DHX37: variants seen among roughly 807,000 people sequenced by gnomAD.
The protein encoded by DHX37 is DEAH-box helicase 37, also known as probable ATP-dependent RNA helicase DHX37.
In DHX37, 52 loss-of-function variants were observed where a neutral mutation model predicts 134.3. That is an observed-to-expected ratio of 0.39 (90% CI 0.31 to 0.49). The LOEUF (loss-of-function observed/expected upper bound fraction) is 0.49, where lower values mean the gene tolerates loss of function less well. DHX37 is among the 20% of genes least tolerant of loss of function. The pLI is 0.93. For missense variants in DHX37, 1,344 were observed against 1,580.8 expected, an observed-to-expected ratio of 0.85 and a Z score of 2.54; for synonymous variants, 634 against 670.7, an observed-to-expected ratio of 0.95 and a Z score of 0.85.
chr12:124,950,442 C>T lies in DHX37; in HGVS notation c.3092G>A (p.Arg1031Gln), dbSNP rs146274723. The stretch of plus-strand genomic sequence containing the variant: ...CACGCTGGCCCGGTGACACAGCACC[C>T]GCCCCCGCTCGGGGCAGTATGTAGG... ...PAPTYCPERGRVLCHRASVFY... is the reference protein window; with the variant it reads ...PAPTYCPERGQVLCHRASVFY... The change falls in exon 23 of 27, where the codon CGG becomes CAG. Residue 1031 changes from arginine to glutamine, a missense_variant. Transcript: ENST00000308736. 2.6e-3 allele frequency: 4,202 copies of T among 1,592,318 alleles called. 14 individuals are homozygous for T. The highest frequency in any genetic ancestry group is 3.1e-3 in the Non-Finnish European group (3,600 of 1,168,786).
intron 16 of DHX37, 72 bp from the exon 17 acceptor site, chr12:124,957,207 T>C: frequency 7.5e-7 from 1 of 1,342,038 alleles, no homozygotes; most frequent in Non-Finnish European, 9.9e-7. Context: ...GCTCCGTCTG[T>C]GGCAGGCACT....
intron 16 of DHX37, among the ~76,000 whole-genome samples, chr12:124,957,829 A>C (rs1418095946): frequency 6.6e-6 from 1 of 152,186 alleles, no homozygotes; most frequent in Non-Finnish European, 1.5e-5. Flanking sequence ...ACAATAGCCA[A>C]AAGATGGAAG....
At chr12:124,977,143 G>A (rs906167424) in intron 5 of DHX37, among the ~76,000 whole-genome samples, 199 bp downstream of exon 5, 10 of 152,086 alleles carry the variant, frequency 6.6e-5, no homozygotes, top group South Asian at 2.1e-4. Flanking sequence ...TAATCCACAC[G>A]ACAACCTTGT....
At chr12:124,977,024 T>G (rs1198233715) in intron 5 of DHX37, among the ~76,000 whole-genome samples, 1 of 132,928 alleles carries the variant, frequency 7.5e-6, no homozygotes. Context: ...CCAGCCGGGG[T>G]GACACAGCGA....
At chr12:124,981,015 C>T (rs1954748572) in intron 3 of DHX37, among the ~76,000 whole-genome samples, 177 bp from the exon 4 acceptor site, 1 of 152,008 alleles carries the variant, frequency 6.6e-6, no homozygotes, top group Non-Finnish European at 1.5e-5. Flanking sequence ...TAAGCACTAG[C>T]TGTCAGGGAG....
intron 21 of DHX37, among the ~76,000 whole-genome samples, chr12:124,951,251 G>A (rs1475348290): frequency 2.7e-5 from 4 of 149,508 alleles, no homozygotes; most frequent in Non-Finnish European, 5.9e-5. Context: ...ATTGCACTCC[G>A]GCTTGGGCAA....
chr12:124,971,337 C>A lies in DHX37; in HGVS notation c.1156G>T (p.Gly386Cys). Residue 386 changes from glycine to cysteine, a missense_variant, in exon 8 of 27, where the codon GGC (glycine) becomes TGC (cysteine). Physicochemically the swap from Gly to Cys is radical, Grantham distance 159 (BLOSUM62 -3). Around this residue, in one of 7 missense-constraint regions of DHX37, gnomAD observed 289 missense variants for 323.8 expected, o/e 0.89. Transcript: ENST00000308736. ...AGAGTCACAATGCGGGACAGGAGGC[C>A]GATGAGGATGTCCGTGTACACGCTC... is the stretch of plus-strand genomic sequence containing the variant. Reference protein sequence around the residue: ...ERSVYTDILIGLLSRIVTLRA... With the variant: ...ERSVYTDILICLLSRIVTLRA... 6.2e-7 allele frequency: 1 copy of A among 1,613,232 alleles called. No individual in the cohort carries two copies. The highest frequency in any genetic ancestry group is 1.1e-5 in the South Asian group (1 of 91,050).
At position 124,964,576 on chromosome 12, in the gene DHX37, A is replaced by G; in HGVS notation, c.1863T>C (p.Asn621=). Residue 621 remains asparagine (N), a synonymous_variant, in exon 15 of 27, where the codon AAT becomes AAC. Transcript: ENST00000308736. ...EGTRLCVVAT[N]VAETSLTIPG... ...GGATGGTAAGCGACGTCTCGGCCAC[A>G]TTGGTGGCCACAACACACAACCGAG... 6.2e-7 allele frequency: 1 copy of G among 1,613,382 alleles called. No individual in the cohort carries two copies. Among genetic ancestry groups the G allele is most frequent in the Non-Finnish European group, 8.5e-7 (1 of 1,179,360 alleles).
rs1164635297 is a variant in DHX37, at chr12:124,982,710, CATT to C, written c.277-90_277-88del. 2.9e-5 allele frequency: 45 copies of C among 1,542,504 alleles called. No homozygotes were observed. In the African/African-American group the frequency reaches 5.9e-4, roughly 20 times the overall value. ...TGAGACTGTAATAAAATTTCAGCAT[CATT>C]AACACCTGGAGTCTTTAAAATCGGC... is the stretch of plus-strand genomic sequence containing the variant. On this transcript the variant is annotated intron_variant, in intron 2 of 26. Transcript: ENST00000308736.
At chr12:124,961,060 A>C (rs939255812) in intron 15 of DHX37, among the ~76,000 whole-genome samples, 2 of 135,232 alleles carry the variant, frequency 1.5e-5, no homozygotes, top group African/African-American at 5.6e-5. Flanking sequence ...TTTCTTTGTA[A>C]ATTTTCTAAA....
At chr12:124,955,785 A>G (rs11057929) in intron 18 of DHX37, among the ~76,000 whole-genome samples, 40,406 of 152,204 alleles carry the variant, frequency 0.27, 7,145 homozygotes, top group African/African-American at 0.51. Flanking sequence ...ACTATTAAAA[A>G]TAAGTAAGGT....
intron 15 of DHX37, among the ~76,000 whole-genome samples, chr12:124,960,909 G>A (rs1157483643): frequency 1.3e-5 from 2 of 152,186 alleles, no homozygotes; most frequent in Non-Finnish European, 2.9e-5. Context: ...GAGCCAGATG[G>A]TGCCACTGTA....
rs901379845 is a variant in DHX37 at position 124,989,075 on chromosome 12, A to G, written c.-53T>C. The stretch of plus-strand genomic sequence containing the variant: ...GCGGCCGGACCAGCAGAGCAATCCG[A>G]AACCCAGCCCACGTGGGTTCCCAGA... On this transcript the variant is annotated 5_prime_UTR_variant, in exon 1 of 27. Transcript: ENST00000308736. 1.6e-6 allele frequency: 2 copies of G among 1,232,018 alleles called. No individual in the cohort carries two copies. Among genetic ancestry groups the G allele is most frequent in the South Asian group, 6.0e-5 (2 of 33,560 alleles). The allele number at this position is 1,232,018 out of a possible 1,614,324, so 76.3% of individuals were successfully genotyped here. A position where few individuals can be genotyped will look rare whatever the true frequency, so the allele number is the denominator to read the frequency against.
intron 5 of DHX37, among the ~76,000 whole-genome samples, chr12:124,975,980 C>T (rs1343838982): frequency 1.3e-5 from 2 of 152,240 alleles, no homozygotes; most frequent in African/African-American, 4.8e-5. Context: ...GTGCGGGGCC[C>T]ACTGTGCCCA....
At chr12:124,963,086 G>T (rs770875003) in intron 15 of DHX37, among the ~76,000 whole-genome samples, 4 of 152,138 alleles carry the variant, frequency 2.6e-5, no homozygotes, top group African/African-American at 9.7e-5. Flanking sequence ...TAGCCAAGAG[G>T]TGAAAACAAC....
chr12:124,961,186 A>ACG (rs556883654), intron 15 of DHX37, among the ~76,000 whole-genome samples: 1,246 of 23,724 alleles, frequency 0.053, 22 homozygotes, highest in Non-Finnish European at 0.14. Flanking sequence ...GCATGCGCGC[A>ACG]CGCACACACA....
chr12:124,961,305 C>CACACACTTACACGCGT (rs2135941030), intron 15 of DHX37, among the ~76,000 whole-genome samples: 1 of 146,164 alleles, frequency 6.8e-6, no homozygotes, highest in African/African-American at 2.7e-5. Flanking sequence ...CGTGCACGCA[C>CACACACTTACACGCGT]GCACACACAC....
chr12:124,972,336 A>T (rs1954539440), intron 7 of DHX37, among the ~76,000 whole-genome samples, 167 bp downstream of exon 7: 1 of 152,236 alleles, frequency 6.6e-6, no homozygotes, highest in Non-Finnish European at 1.5e-5. Flanking sequence ...ACTCATCAAG[A>T]AACTGAGCTT....
rs1343984768 is a variant in DHX37, at chr12:124,968,915, G to T, written c.1245C>A (p.Asp415Glu). The change falls in exon 9 of 27, where the codon GAC becomes GAA. Residue 415 changes from aspartate to glutamate, a missense_variant. Around this residue, in one of 7 missense-constraint regions of DHX37, gnomAD observed 289 missense variants for 323.8 expected, o/e 0.89. Coordinates refer to ENST00000308736, the MANE Select transcript of DHX37 (RefSeq NM_032656.4). ...LIMSATLRVE[D>E]FTQNPRLFAK... The stretch of plus-strand genomic sequence containing the variant: ...CGAAGAGCCGTGGGTTCTGGGTGAA[G>T]TCCTCCACCCGCAGCGTGGCCGACA... 1 of 1,614,134 alleles carries T rather than the reference G, an allele frequency of 6.2e-7. No homozygotes were observed. The highest frequency in any genetic ancestry group is 8.5e-7 in the Non-Finnish European group (1 of 1,180,034).
Sources: gnomAD v4.1 joint callset for allele counts (sites outside exome capture counted in the v4.1 genomes callset) on GRCh38, gnomAD v4.1.1 for gene constraint, gnomAD v4.1.1 regional missense constraint, MANE v1.5 for transcripts, NCBI Gene and HGNC (gene_info 2026-07-23, HGNC 2026-07-21) for gene names.